The following EEF1AKMT2 variants were observed in gnomAD, a reference collection of about 807,000 sequenced individuals.
The protein encoded by EEF1AKMT2 is eukaryotic translation elongation factor 1 alpha lysine methyltransferase 2.
Under a neutral mutation model 35.8 loss-of-function variants are expected in EEF1AKMT2, and 32 were observed. The observed-to-expected ratio is 0.89, with a 90% CI of 0.67 to 1.20. The LOEUF (loss-of-function observed/expected upper bound fraction) is 1.20, where lower values mean the gene tolerates loss of function less well. EEF1AKMT2 is among the 50% of genes most tolerant of loss of function. EEF1AKMT2 has a pLI of 0.00. For missense variants in EEF1AKMT2, 330 were observed against 347.5 expected (o/e 0.95, Z 0.40); for synonymous variants, 121 against 133.7 (o/e 0.91, Z 0.65).
At chr10:124,764,196 T>C (rs1315954906) in intron 5 of EEF1AKMT2, among the ~76,000 whole-genome samples, 4 of 151,938 alleles carry the variant, frequency 2.6e-5, no homozygotes, top group African/African-American at 9.7e-5. Flanking sequence ...CACTTTCCAT[T>C]AGCTTGTGAC....
At chr10:124,780,713 AT>A (rs1950532478) in intron 3 of EEF1AKMT2, among the ~76,000 whole-genome samples, 1 of 152,162 alleles carries the variant, frequency 6.6e-6, no homozygotes, top group South Asian at 2.1e-4. Context: ...AGCTAGAAAT[AT>A]CGCAAATCTG....
At chr10:124,789,862 T>C (rs1056356523) in intron 2 of EEF1AKMT2, among the ~76,000 whole-genome samples, 7 of 151,630 alleles carry the variant, frequency 4.6e-5, no homozygotes, top group Admixed American at 2.6e-4. Flanking sequence ...CCAGGATTTT[T>C]AGGCTTTCTT....
At chr10:124,773,975 T>C (rs572898413) in intron 4 of EEF1AKMT2, among the ~76,000 whole-genome samples, 2 of 152,318 alleles carry the variant, frequency 1.3e-5, no homozygotes, top group South Asian at 4.1e-4. Flanking sequence ...AGGCCTGGGC[T>C]AGAAATGTAA....
At chr10:124,781,103 G>A (rs1295850966) in intron 3 of EEF1AKMT2, among the ~76,000 whole-genome samples, 1 of 151,750 alleles carries the variant, frequency 6.6e-6, no homozygotes, top group Admixed American at 6.6e-5. Flanking sequence ...ATGCCACCAC[G>A]CCCGGCTAAT....
chr10:124,786,061 T>C (rs1049791023), intron 3 of EEF1AKMT2, among the ~76,000 whole-genome samples: 3 of 152,070 alleles, frequency 2.0e-5, no homozygotes, highest in Non-Finnish European at 2.9e-5. Flanking sequence ...GTGACAGCAG[T>C]GGTCACCTTT....
chr10:124,779,031 A>G (rs1474289373), intron 3 of EEF1AKMT2, among the ~76,000 whole-genome samples: 2 of 152,184 alleles, frequency 1.3e-5, no homozygotes, highest in East Asian at 1.9e-4. Context: ...TTCTACACCA[A>G]ATATTCTACG....
intron 3 of EEF1AKMT2, among the ~76,000 whole-genome samples, chr10:124,782,107 A>G (rs1950544846): frequency 6.6e-6 from 1 of 152,218 alleles, no homozygotes; most frequent in Non-Finnish European, 1.5e-5. Context: ...ATACGCAAAG[A>G]GATATATTCA....
At chr10:124,779,283 CACG>C (rs1461015980) in intron 3 of EEF1AKMT2, among the ~76,000 whole-genome samples, 1 of 152,152 alleles carries the variant, frequency 6.6e-6, no homozygotes, top group Admixed American at 6.5e-5. Flanking sequence ...AAGGACACAC[CACG>C]ACACCTGGCT....
chr10:124,783,876 G>A (rs1210503935), intron 3 of EEF1AKMT2, among the ~76,000 whole-genome samples: 1 of 152,136 alleles, frequency 6.6e-6, no homozygotes, highest in East Asian at 1.9e-4. Flanking sequence ...CCAGGCTGGA[G>A]TGCAACGGTG....
At chr10:124,777,520 ATTT>A (rs113188210) in intron 3 of EEF1AKMT2, among the ~76,000 whole-genome samples, 1 of 140,612 alleles carries the variant, frequency 7.1e-6, no homozygotes. Flanking sequence ...GTACCTAAAG[ATTT>A]TTTTTTTTTT....
rs1397694682 is a variant in EEF1AKMT2, at chr10:124,758,782, A to G, written c.*1721T>C. The stretch of plus-strand genomic sequence containing the variant: ...CAAAGACCCGATCTCAAAAACTATA[A>G]AAGTTTCTACAGTTTAAGATCTCCT... On this transcript the variant is annotated 3_prime_UTR_variant, in exon 7 of 7. Coordinates refer to ENST00000368836, the MANE Select transcript of EEF1AKMT2 (RefSeq NM_212554.4). The G allele has an allele frequency of 6.6e-6, 1 of 152,198 alleles. No homozygotes were observed. Among genetic ancestry groups the G allele is most frequent in the Non-Finnish European group, 1.5e-5 (1 of 68,028 alleles). The allele number at this position is 152,198 out of a possible 1,614,324, so 9.4% of individuals were successfully genotyped here.
At chr10:124,770,164 A>T (rs1950418100) in intron 4 of EEF1AKMT2, among the ~76,000 whole-genome samples, 1 of 152,004 alleles carries the variant, frequency 6.6e-6, no homozygotes, top group South Asian at 2.1e-4. Flanking sequence ...CACACCTGTT[A>T]TCCCAGCACT....
At chr10:124,784,287 A>G (rs758645004) in intron 3 of EEF1AKMT2, among the ~76,000 whole-genome samples, 1 of 152,208 alleles carries the variant, frequency 6.6e-6, no homozygotes, top group East Asian at 1.9e-4. Context: ...TACCAGAAAC[A>G]TAACAGAAAA....
chr10:124,764,318 AAC>A (rs1156681926), intron 5 of EEF1AKMT2, among the ~76,000 whole-genome samples: 7 of 151,890 alleles, frequency 4.6e-5, no homozygotes, highest in African/African-American at 2.4e-5. Context: ...AAAAAAAAAA[AAC>A]AAACTAATCT....
intron 3 of EEF1AKMT2, among the ~76,000 whole-genome samples, chr10:124,787,474 G>C (rs1417632791): frequency 1.4e-5 from 2 of 146,260 alleles, no homozygotes; most frequent in African/African-American, 5.0e-5. Context: ...AAGACACCAG[G>C]AATAGCACAC....
At chr10:124,777,279 CAAA>C (rs768724237) in intron 3 of EEF1AKMT2, among the ~76,000 whole-genome samples, 3 of 62,800 alleles carry the variant, frequency 4.8e-5, no homozygotes, top group Non-Finnish European at 6.9e-5. Flanking sequence ...AACTCTGACT[CAAA>C]AAAAAAAAAA....
At chr10:124,760,525 CTTTTAT>C (rs1950321830) in intron 6 of EEF1AKMT2, 22 bp from the exon 7 acceptor site, 1 of 1,592,574 alleles carries the variant, frequency 6.3e-7, no homozygotes, top group African/African-American at 1.3e-5. Flanking sequence ...AATTTAAATA[CTTTTAT>C]TAAGAATTGA....
chr10:124,783,057 G>A (rs1322173009), intron 3 of EEF1AKMT2: 2 of 331,032 alleles, frequency 6.0e-6, no homozygotes, highest in South Asian at 2.5e-5. Flanking sequence ...ACAAAAAGGG[G>A]CTGAACATCA....
At chr10:124,786,367 G>A (rs920313428) in intron 3 of EEF1AKMT2, among the ~76,000 whole-genome samples, 11 of 152,000 alleles carry the variant, frequency 7.2e-5, no homozygotes, top group African/African-American at 2.4e-4. Context: ...TTAGCCAGGC[G>A]TGGTGGTGGG....
Sources: allele counts gnomAD v4.1 joint callset (sites outside exome capture counted in the v4.1 genomes callset), GRCh38; gene constraint gnomAD v4.1.1; transcripts MANE v1.5; gene names NCBI Gene and HGNC (gene_info 2026-07-23, HGNC 2026-07-21).